Variants in TRPV2 observed in about 807,000 individuals in gnomAD.
The protein encoded by TRPV2 is OTRPC2.
TRPV2 carries 58 observed loss-of-function variants against 91.0 expected under a neutral mutation model. That is an observed-to-expected ratio of 0.64 (90% CI 0.52 to 0.79). The LOEUF is 0.79. TRPV2 is among the 30% of genes least tolerant of loss of function. TRPV2 has a pLI of 0.00. For missense variants in TRPV2, 807 were observed against 969.6 expected (o/e 0.83, Z 2.23); for synonymous variants, 417 against 414.8 (o/e 1.01, Z -0.06).
intron 13 of TRPV2, among the ~76,000 whole-genome samples, chr17:16,434,514 C>G (rs986489435): frequency 1.3e-5 from 2 of 151,638 alleles, no homozygotes; most frequent in Admixed American, 1.3e-4. Context: ...AAAACAGACA[C>G]TGTCGTGAGG....
At position 16,429,149 on chromosome 17, in the gene TRPV2, C is replaced by T. The variant is rs555490891; in HGVS notation, c.1587+167C>T. ...TAAGTACAGGCCTGCACATACCTCT[C>T]TCAGGGCTCTGCATGCACACGCAAA... On this transcript the variant is annotated intron_variant, in intron 10 of 14. Coordinates refer to ENST00000338560, the MANE Select transcript of TRPV2 (RefSeq NM_016113.5). Among the ~76,000 whole-genome samples the T allele has an allele frequency of 3.3e-5, 5 of 152,364 alleles. No homozygotes were observed. The East Asian group carries it at 9.6e-4, about 29-fold the overall frequency.
chr17:16,430,383 G>T (rs2093404025), intron 10 of TRPV2, among the ~76,000 whole-genome samples: 2 of 152,000 alleles, frequency 1.3e-5, no homozygotes, highest in South Asian at 4.1e-4. Flanking sequence ...CTACATCGTA[G>T]AAGTGGAATC....
intron 3 of TRPV2, among the ~76,000 whole-genome samples, chr17:16,421,467 C>G (rs2093356544): frequency 6.6e-6 from 1 of 151,680 alleles, no homozygotes; most frequent in Non-Finnish European, 1.5e-5. Flanking sequence ...ATCCGCCCGC[C>G]TTGGCCTACC....
intron 11 of TRPV2, 50 bp from the exon 12 acceptor site, chr17:16,431,916 G>A (rs752314896): frequency 8.1e-6 from 13 of 1,612,606 alleles, no homozygotes; most frequent in Non-Finnish European, 1.1e-5. Context: ...CACTCCCAAG[G>A]CTGCCCACCG....
rs2093432065 is a variant in TRPV2, at chr17:16,435,859, T to C, written c.2194+890T>C. Among the ~76,000 whole-genome samples the C allele has an allele frequency of 6.6e-6, 1 of 152,094 alleles. No homozygotes were observed. The highest frequency in any genetic ancestry group is 1.5e-5 in the Non-Finnish European group (1 of 68,008). Reference sequence around the variant, plus strand: ...TGCCTCACATACAGATAGGTTTCCCTTCACCTTCTCTTTGCATCTCCCTCT... The same window carrying C: ...TGCCTCACATACAGATAGGTTTCCCCTCACCTTCTCTTTGCATCTCCCTCT... On this transcript the variant is annotated intron_variant, in intron 14 of 14. Coordinates refer to ENST00000338560, the MANE Select transcript of TRPV2 (RefSeq NM_016113.5). The surrounding 1 kb of genome is among the most constrained non-coding windows in gnomAD (Gnocchi z 4.2).
chr17:16,421,453 C>T (rs1299832912), intron 3 of TRPV2, among the ~76,000 whole-genome samples: 1 of 151,310 alleles, frequency 6.6e-6, no homozygotes, highest in African/African-American at 2.4e-5. Context: ...CTCCTGACTT[C>T]GTGATCCGCC....
At chr17:16,421,916 A>C (rs988515280) in intron 3 of TRPV2, among the ~76,000 whole-genome samples, 7 of 152,216 alleles carry the variant, frequency 4.6e-5, no homozygotes, top group East Asian at 1.9e-4. Context: ...TTGCCAGAGG[A>C]GATAGAGACA....
At position 16,431,953 on chromosome 17, in the gene TRPV2, C is replaced by A; in HGVS notation, c.1655-13C>A. On this transcript the variant is annotated splice_polypyrimidine_tract_variant and intron_variant, in intron 11 of 14. Transcript: ENST00000338560. Reference sequence around the variant, plus strand: ...TCTCCTGGGCTAAGGACCCCTCTCCCTTCATCCCATAGCCCTGGTGAGCCT... The same window carrying A: ...TCTCCTGGGCTAAGGACCCCTCTCCATTCATCCCATAGCCCTGGTGAGCCT... The A allele has an allele frequency of 6.2e-7, 1 of 1,609,146 alleles. No individual in the cohort carries two copies. The highest frequency in any genetic ancestry group is 8.5e-7 in the Non-Finnish European group (1 of 1,177,010).
chr17:16,426,136 T>G lies in TRPV2; in HGVS notation c.962T>G (p.Leu321Arg). Residue 321 changes from leucine (L) to arginine (R), a missense_variant, in exon 6 of 15, where the codon CTG (leucine) becomes CGG (arginine). Transcript: ENST00000338560. The surrounding 1 kb of genome is among the most constrained non-coding windows in gnomAD (Gnocchi z 6.0). ...RHILQREFSG[L>R]SHLSRKFTEW... ...ATCCTGCAGCGGGAGTTTTCAGGAC[T>G]GAGCCACCTTTCCCGAAAGTTCACC... 1.2e-6 allele frequency: 2 copies of G among 1,614,194 alleles called. No homozygotes were observed. Among genetic ancestry groups the G allele is most frequent in the Non-Finnish European group, 1.7e-6 (2 of 1,180,020 alleles).
chr17:16,430,328 A>G (rs1216277680), intron 10 of TRPV2, among the ~76,000 whole-genome samples: 1 of 152,184 alleles, frequency 6.6e-6, no homozygotes, highest in Non-Finnish European at 1.5e-5. Flanking sequence ...CAGTCCCTGG[A>G]AGCCACCATT....
At position 16,423,705 on chromosome 17, in the gene TRPV2, G is replaced by C. The variant is rs577426450; in HGVS notation, c.862G>C (p.Asp288His). The change falls in exon 5 of 15, where the codon GAC becomes CAC. Residue 288 changes from aspartate to histidine, a missense_variant. Transcript: ENST00000338560. ...CCTCTGCCCTACCGTGCAGCTTGAGGACATCCGCAACCTGCAGGATCTCAC... is the reference window on the plus strand; with the variant it reads ...CCTCTGCCCTACCGTGCAGCTTGAGCACATCCGCAACCTGCAGGATCTCAC... ...ARLCPTVQLE[D>H]IRNLQDLTPL... is the part of the protein sequence containing the mutation. 6.2e-7 allele frequency: 1 copy of C among 1,612,646 alleles called. No homozygotes were observed. The highest frequency in any genetic ancestry group is 1.7e-5 in the Admixed American group (1 of 59,994).
chr17:16,418,830 G>C (rs1199214397), intron 2 of TRPV2, among the ~76,000 whole-genome samples: 1 of 152,144 alleles, frequency 6.6e-6, no homozygotes, highest in Non-Finnish European at 1.5e-5. Context: ...CAGGGCTCCT[G>C]TCAGCAGCAG....
chr17:16,427,638 C>T (rs1366796364), intron 8 of TRPV2, 91 bp downstream of exon 8: 2 of 1,264,566 alleles, frequency 1.6e-6, no homozygotes, highest in Non-Finnish European at 1.1e-6. Flanking sequence ...CCCTCACTGA[C>T]AATACCCAGT....
rs768347652 is a variant in TRPV2, at chr17:16,420,131, C to T, written c.217C>T (p.Arg73Ter). The T allele has an allele frequency of 2.4e-5, 38 of 1,613,302 alleles. No individual in the cohort carries two copies. Among genetic ancestry groups the T allele is most frequent in the Admixed American group, 8.3e-5 (5 of 59,974 alleles). ...GTGASQPDPN[R>*]FDRDRLFNAV... ...CCTCCACAGTCAGCCGGATCCAAAC[C>T]GATTTGACCGAGATCGGCTCTTCAA... Residue 73 changes from arginine to a stop codon, truncating the protein, a stop_gained, in exon 3 of 15, where the codon CGA becomes TGA. Coordinates refer to ENST00000338560, the MANE Select transcript of TRPV2 (RefSeq NM_016113.5). LOFTEE classifies it high-confidence loss of function.
rs960608646 is a variant in TRPV2, at chr17:16,428,121, G to A, written c.1351-196G>A. Among the ~76,000 whole-genome samples, 9 of 152,154 alleles carry A rather than the reference G, an allele frequency of 5.9e-5. No homozygotes were observed. The South Asian group carries it at 1.2e-3, about 21-fold the overall frequency. Reference sequence around the variant, plus strand: ...CACAGGCTCTTCACCTGCACCCCCCGGCCTTGCCTAGGTGGCTGCTCTTTC... The same window carrying A: ...CACAGGCTCTTCACCTGCACCCCCCAGCCTTGCCTAGGTGGCTGCTCTTTC... On this transcript the variant is annotated intron_variant, in intron 8 of 14. Transcript: ENST00000338560.
chr17:16,428,045 G>A (rs1482031319), intron 8 of TRPV2, among the ~76,000 whole-genome samples: 1 of 152,150 alleles, frequency 6.6e-6, no homozygotes, highest in African/African-American at 2.4e-5. Flanking sequence ...CTCCCTGTGA[G>A]GCCAGGGAGA....
At position 16,426,800 on chromosome 17, in the gene TRPV2, T is replaced by C; in HGVS notation, c.1174T>C (p.Phe392Leu). The change falls in exon 7 of 15, where the codon TTC (phenylalanine) becomes CTC (leucine). Residue 392 changes from phenylalanine (F) to leucine (L), a missense_variant. Transcript: ENST00000338560. The surrounding 1 kb of genome is among the most constrained non-coding windows in gnomAD (Gnocchi z 6.0). ...AKWDLLIPKF[F>L]LNFLCNLIYM... is the part of the protein sequence containing the mutation. ...ATGGGATCTGCTCATCCCCAAGTTCTTCTTAAACTTCCTGTGTAATCTGAT... is the reference window on the plus strand; with the variant it reads ...ATGGGATCTGCTCATCCCCAAGTTCCTCTTAAACTTCCTGTGTAATCTGAT... 1 of 1,614,112 alleles carries C rather than the reference T, an allele frequency of 6.2e-7. No individual in the cohort carries two copies.
At chr17:16,421,519 A>AT (rs574608841) in intron 3 of TRPV2, among the ~76,000 whole-genome samples, 4,441 of 86,678 alleles carry the variant, frequency 0.051, 257 homozygotes, top group African/African-American at 0.16. Flanking sequence ...GCGCCTGGCC[A>AT]TTTTTTTTTT....
chr17:16,420,762 G>A (rs989121432), intron 3 of TRPV2, among the ~76,000 whole-genome samples: 2 of 152,140 alleles, frequency 1.3e-5, no homozygotes, highest in Non-Finnish European at 2.9e-5. Context: ...GAATGCATCT[G>A]TTCAGACTTT....
Sources: allele counts gnomAD v4.1 joint callset (sites outside exome capture counted in the v4.1 genomes callset), GRCh38; gene constraint gnomAD v4.1.1; non-coding constraint Gnocchi (gnomAD v3.1); transcripts MANE v1.5; gene names NCBI Gene and HGNC (gene_info 2026-07-23, HGNC 2026-07-21).